Variants in SIRPD observed in about 807,000 individuals in gnomAD.
SIRPD encodes the protein signal regulatory protein delta.
In SIRPD, 21 loss-of-function variants were observed where a neutral mutation model predicts 18.0. The observed-to-expected ratio is 1.17, with a 90% CI of 0.83 to 1.68. SIRPD has a LOEUF of 1.68. Ranked by LOEUF, SIRPD falls within the 40% of genes most tolerant of loss-of-function variation. The pLI is 0.00. For missense variants in SIRPD, 295 were observed against 238.4 expected (o/e 1.24, Z -1.56); for synonymous variants, 106 against 92.9 (o/e 1.14, Z -0.81).
rs779695978 is a variant in SIRPD at position 1,534,406 on chromosome 20, C to A, written c.*19G>T. 1 of 1,612,116 alleles carries A rather than the reference C, an allele frequency of 6.2e-7. No homozygotes were observed. Reference sequence around the variant, plus strand: ...TGGGGGCTTTTGTTATTTACTTGTACGTTCCTTCCCTGTTTGGATTATTTT... The same window carrying A: ...TGGGGGCTTTTGTTATTTACTTGTAAGTTCCTTCCCTGTTTGGATTATTTT... On this transcript the variant is annotated 3_prime_UTR_variant, in exon 4 of 4. Coordinates refer to ENST00000381623, the MANE Select transcript of SIRPD (RefSeq NM_178460.3).
At chr20:1,534,473 A>G (rs1451421393) in intron 3 of SIRPD, 32 bp from the exon 4 acceptor site, 3 of 1,586,446 alleles carry the variant, frequency 1.9e-6, no homozygotes, top group South Asian at 2.2e-5. Context: ...ATAAAATAAA[A>G]CATTTCTCCC....
intron 2 of SIRPD, among the ~76,000 whole-genome samples, chr20:1,544,751 G>T (rs1009178885): frequency 3.3e-5 from 5 of 152,136 alleles, no homozygotes; most frequent in African/African-American, 1.2e-4. Context: ...TGCTGTGTCT[G>T]GTACCAGTTT....
intron 2 of SIRPD, among the ~76,000 whole-genome samples, chr20:1,550,596 C>G (rs546947487): frequency 1.3e-5 from 2 of 152,138 alleles, no homozygotes; most frequent in African/African-American, 4.8e-5. Flanking sequence ...CTGTGAGGAA[C>G]CCAGAATCCT....
intron 1 of SIRPD, chr20:1,554,424 CAT>C (rs2091031079): frequency 6.6e-6 from 1 of 152,438 alleles, no homozygotes. Flanking sequence ...TGGCACCAGT[CAT>C]ATAAAAATTA....
Position 1,557,585 on chromosome 20 carries a change from C to A in SIRPD, c.69G>T (p.Leu23=). 1 of 1,571,932 alleles carries A rather than the reference C, an allele frequency of 6.4e-7. No homozygotes were observed. The highest frequency in any genetic ancestry group is 8.6e-7 in the Non-Finnish European group (1 of 1,158,524). ...PSLLLYLLLE[L]AGVTHVFHVQ... ...ATACACTGAGGCCCCACTCACCTGC[C>A]AGTTCAAGCAGCAGATACAGCAGTA... The change falls in exon 1 of 4, where the codon CTG becomes CTT. Residue 23 remains leucine, a synonymous_variant. Transcript: ENST00000381623.
At chr20:1,537,914 A>G (rs1012778838) in intron 2 of SIRPD, among the ~76,000 whole-genome samples, 5 of 152,120 alleles carry the variant, frequency 3.3e-5, no homozygotes, top group Admixed American at 3.3e-4. Flanking sequence ...GTGTGCTCAT[A>G]CTGCAGGAAC....
intron 2 of SIRPD, among the ~76,000 whole-genome samples, chr20:1,539,626 T>G (rs2263658): frequency 6.6e-6 from 1 of 152,184 alleles, no homozygotes; most frequent in Non-Finnish European, 1.5e-5. Flanking sequence ...ATGTAATCCC[T>G]TCCTCTGGAT....
chr20:1,555,137 G>C (rs374896961), intron 1 of SIRPD, among the ~76,000 whole-genome samples: 2 of 152,088 alleles, frequency 1.3e-5, no homozygotes, highest in African/African-American at 2.4e-5. Flanking sequence ...ACATGCAGTA[G>C]AATACTATTT....
chr20:1,542,313 T>C (rs2090975684), intron 2 of SIRPD, among the ~76,000 whole-genome samples: 1 of 152,232 alleles, frequency 6.6e-6, no homozygotes, highest in African/African-American at 2.4e-5. Flanking sequence ...TCTTATTTCC[T>C]TGAGCAGTGG....
At chr20:1,550,167 T>C (rs184879667) in intron 2 of SIRPD, among the ~76,000 whole-genome samples, 217 of 152,324 alleles carry the variant, frequency 1.4e-3, no homozygotes, top group African/African-American at 5.1e-3. Context: ...AGGCTCAACT[T>C]CCTCATCTGA....
chr20:1,537,333 G>A (rs2256229), intron 2 of SIRPD, 23 bp from the exon 3 acceptor site: 796,625 of 1,606,814 alleles, frequency 0.5, 209,535 homozygotes, highest in Non-Finnish European at 0.54. Context: ...GCAAAACTAT[G>A]TGTTCCATGA....
At position 1,551,925 on chromosome 20, in the gene SIRPD, A is replaced by G. The variant is rs757277301; in HGVS notation, c.187T>C (p.Leu63=). 5.0e-6 allele frequency: 8 copies of G among 1,614,124 alleles called. No homozygotes were observed. The highest frequency in any genetic ancestry group is 6.8e-6 in the Non-Finnish European group (8 of 1,179,988). The change falls in exon 2 of 4, where the codon TTG becomes CTG. Residue 63 remains leucine, a synonymous_variant. Coordinates refer to ENST00000381623, the MANE Select transcript of SIRPD (RefSeq NM_178460.3). ...VPNTLPNGPV[L]WFKGTGPNRK... is the part of the protein sequence containing the mutation. ...TTTGGCCCTGTTCCCTTGAACCACA[A>G]GACAGGTCCATTTGGTAAGGTATTG...
intron 2 of SIRPD, among the ~76,000 whole-genome samples, chr20:1,542,116 T>C (rs1476785437): frequency 2.6e-5 from 4 of 152,198 alleles, no homozygotes; most frequent in Admixed American, 6.5e-5. Context: ...TTGTCTTGGC[T>C]ATACGAGCTG....
At chr20:1,538,854 T>C (rs2090959336) in intron 2 of SIRPD, among the ~76,000 whole-genome samples, 1 of 152,162 alleles carries the variant, frequency 6.6e-6, no homozygotes, top group Non-Finnish European at 1.5e-5. Flanking sequence ...CCAGGCAACA[T>C]ATAGCAGAGA....
At chr20:1,548,058 T>C (rs1469464885) in intron 2 of SIRPD, among the ~76,000 whole-genome samples, 1 of 152,202 alleles carries the variant, frequency 6.6e-6, no homozygotes, top group Non-Finnish European at 1.5e-5. Context: ...TCTTTCCAAT[T>C]TGGATTGTTT....
intron 1 of SIRPD, among the ~76,000 whole-genome samples, chr20:1,554,948 C>G (rs1276995421): frequency 1.3e-5 from 2 of 152,136 alleles, no homozygotes; most frequent in Non-Finnish European, 2.9e-5. Flanking sequence ...CTTGTGTATT[C>G]TTGGGTAGCA....
Position 1,557,671 on chromosome 20 carries a change from C to G in SIRPD, c.-18G>C, listed in dbSNP as rs777987968. The G allele has an allele frequency of 3.1e-6, 5 of 1,610,216 alleles. No individual in the cohort carries two copies. Among genetic ancestry groups the G allele is most frequent in the Admixed American group, 1.7e-5 (1 of 59,520 alleles). On this transcript the variant is annotated 5_prime_UTR_variant, in exon 1 of 4. Coordinates refer to ENST00000381623, the MANE Select transcript of SIRPD (RefSeq NM_178460.3). Reference sequence around the variant, plus strand: ...ATGGGCATTGTGGTGAAACCTGGAGCTTGCTCTGCCTGAATGCCTGTCCTG... The same window carrying G: ...ATGGGCATTGTGGTGAAACCTGGAGGTTGCTCTGCCTGAATGCCTGTCCTG...
chr20:1,537,284 T>C lies in SIRPD; in HGVS notation c.448A>G (p.Arg150Gly), dbSNP rs1568665435. ...TEQNPRPPKN[R>G]PAGRAGSRAH... ...CTGGAGCCTGCTCTGCCTGCAGGTCTGTTCTTGGGAGGTCTTGGATTCTGC... is the reference window on the plus strand; with the variant it reads ...CTGGAGCCTGCTCTGCCTGCAGGTCCGTTCTTGGGAGGTCTTGGATTCTGC... The change falls in exon 3 of 4, where the codon AGA becomes GGA. Residue 150 changes from arginine (R) to glycine (G), a missense_variant. Arg to Gly is a moderately radical substitution (Grantham distance 125). Transcript: ENST00000381623. The C allele has an allele frequency of 1.2e-6, 2 of 1,614,000 alleles. No homozygotes were observed. The highest frequency in any genetic ancestry group is 1.7e-6 in the Non-Finnish European group (2 of 1,179,978).
intron 2 of SIRPD, among the ~76,000 whole-genome samples, chr20:1,543,368 A>G (rs547332002): frequency 5.9e-5 from 9 of 152,242 alleles, no homozygotes; most frequent in Admixed American, 2.0e-4. Context: ...GGGAGGGTGT[A>G]TGTGTCCAAG....
Sources: gnomAD v4.1 joint callset for allele counts (sites outside exome capture counted in the v4.1 genomes callset) on GRCh38, gnomAD v4.1.1 for gene constraint, MANE v1.5 for transcripts, NCBI Gene and HGNC (gene_info 2026-07-23, HGNC 2026-07-21) for gene names.